CNTNAP2: variants seen among roughly 807,000 people sequenced by gnomAD.
CNTNAP2 encodes contactin-associated protein-like 2.
Under a neutral mutation model 155.2 loss-of-function variants are expected in CNTNAP2, and 98 were observed. That is an observed-to-expected ratio of 0.63 (90% CI 0.54 to 0.75). The LOEUF (loss-of-function observed/expected upper bound fraction) is 0.75. Ranked by LOEUF, CNTNAP2 falls within the 30% of genes least tolerant of loss-of-function variation. The pLI is 0.00. For missense variants in CNTNAP2, 1,727 were observed against 1,688.1 expected (o/e 1.02, Z -0.40); for synonymous variants, 651 against 631.2 (o/e 1.03, Z -0.47).
At chr7:146,700,830 T>C (rs1800864283) in intron 1 of CNTNAP2, among the ~76,000 whole-genome samples, 1 of 152,114 alleles carries the variant, frequency 6.6e-6, no homozygotes. Flanking sequence ...GGGAGTTTCC[T>C]GTAACACAAT....
chr7:147,609,206 C>A (rs1801133390), intron 12 of CNTNAP2, among the ~76,000 whole-genome samples: 1 of 152,132 alleles, frequency 6.6e-6, no homozygotes. Flanking sequence ...AACAAACAAA[C>A]TTCTCTGACA....
intron 22 of CNTNAP2, among the ~76,000 whole-genome samples, chr7:148,408,447 T>TCTC (rs1438364146): frequency 6.6e-6 from 1 of 152,180 alleles, no homozygotes; most frequent in African/African-American, 2.4e-5. Flanking sequence ...CAGGAATAAA[T>TCTC]TAGTGTTAGA....
At chr7:146,686,512 T>A (rs969682113) in intron 1 of CNTNAP2, among the ~76,000 whole-genome samples, 3 of 152,172 alleles carry the variant, frequency 2.0e-5, no homozygotes, top group African/African-American at 4.8e-5. Flanking sequence ...TACAGACTTA[T>A]GTACTCCTCT....
At position 148,180,046 on chromosome 7, in the gene CNTNAP2, A is replaced by G. The variant is rs369241389; in HGVS notation, c.3010+7568A>G. On this transcript the variant is annotated intron_variant, in intron 18 of 23. Transcript: ENST00000361727. ...GAAAATTAATTAATACAAAATATAT[A>G]AACAAATAGGGAGAAAAAGAAGAGA... 2.8e-3 allele frequency among the ~76,000 whole-genome samples: 434 copies of G among 152,302 alleles called. 3 individuals are homozygous for G. The highest frequency in any genetic ancestry group is 9.9e-3 in the African/African-American group (413 of 41,568).
chr7:148,266,029 G>A (rs547724172), intron 20 of CNTNAP2, among the ~76,000 whole-genome samples: 7 of 152,248 alleles, frequency 4.6e-5, no homozygotes, highest in African/African-American at 1.4e-4. Flanking sequence ...ACTCTGGATC[G>A]TATCTGCTTC....
intron 13 of CNTNAP2, among the ~76,000 whole-genome samples, chr7:147,738,600 G>T (rs1448985223): frequency 6.6e-6 from 1 of 151,056 alleles, no homozygotes; most frequent in East Asian, 1.9e-4. Flanking sequence ...ACATTTTCTT[G>T]GTCATAATGC....
intron 9 of CNTNAP2, among the ~76,000 whole-genome samples, chr7:147,322,817 TC>T (rs1795378303): frequency 7.2e-6 from 1 of 138,140 alleles, no homozygotes; most frequent in East Asian, 2.2e-4. Flanking sequence ...GGTGTATGTG[TC>T]CAGGAATGTA....
At chr7:147,992,112 T>TTA (rs1801720610) in intron 15 of CNTNAP2, among the ~76,000 whole-genome samples, 1 of 144,474 alleles carries the variant, frequency 6.9e-6, no homozygotes. Flanking sequence ...TTTTTTTTTT[T>TTA]GAGACAGAGT....
At chr7:146,301,886 T>C (rs1352603359) in intron 1 of CNTNAP2, among the ~76,000 whole-genome samples, 2 of 152,124 alleles carry the variant, frequency 1.3e-5, no homozygotes, top group East Asian at 1.9e-4. Context: ...TGTCAACTAA[T>C]GAAAGAGGAA....
intron 13 of CNTNAP2, among the ~76,000 whole-genome samples, chr7:147,742,286 T>C (rs999474397): frequency 2.2e-4 from 33 of 152,358 alleles, no homozygotes; most frequent in Middle Eastern, 6.8e-3. Flanking sequence ...CAGCTCATGA[T>C]AGATGTTTGA....
chr7:148,228,457 A>G (rs1795898224), intron 19 of CNTNAP2, among the ~76,000 whole-genome samples: 1 of 152,170 alleles, frequency 6.6e-6, no homozygotes, highest in African/African-American at 2.4e-5. Context: ...GTTGATTTGC[A>G]TTTGATTAGT....
At chr7:146,197,902 T>C (rs1584798006) in intron 1 of CNTNAP2, among the ~76,000 whole-genome samples, 1 of 152,162 alleles carries the variant, frequency 6.6e-6, no homozygotes, top group Non-Finnish European at 1.5e-5. Context: ...CTCACAGTTC[T>C]GCATGGCTGG....
At chr7:146,980,800 T>A (rs920792175) in intron 3 of CNTNAP2, among the ~76,000 whole-genome samples, 1 of 152,170 alleles carries the variant, frequency 6.6e-6, no homozygotes, top group African/African-American at 2.4e-5. Flanking sequence ...CAACACGGAA[T>A]TACATTTCCA....
intron 3 of CNTNAP2, among the ~76,000 whole-genome samples, chr7:146,932,091 G>A (rs1253858107): frequency 2.0e-5 from 3 of 151,718 alleles, no homozygotes; most frequent in Non-Finnish European, 2.9e-5. Context: ...ATTTTATGAG[G>A]CCAGCATCAT....
intron 2 of CNTNAP2, among the ~76,000 whole-genome samples, chr7:146,806,521 C>T (rs985826715): frequency 2.6e-5 from 4 of 151,508 alleles, no homozygotes; most frequent in Non-Finnish European, 4.4e-5. Context: ...GAAAGAAAAT[C>T]GGGTACCATC....
At chr7:147,855,425 C>T (rs1476275863) in intron 13 of CNTNAP2, among the ~76,000 whole-genome samples, 2 of 151,984 alleles carry the variant, frequency 1.3e-5, no homozygotes, top group East Asian at 3.9e-4. Flanking sequence ...TACCTGGATG[C>T]TTCTTCTCCT....
chr7:146,710,577 G>A (rs1417149159), intron 1 of CNTNAP2, among the ~76,000 whole-genome samples: 3 of 152,146 alleles, frequency 2.0e-5, no homozygotes, highest in African/African-American at 7.2e-5. Context: ...TGAAGGGATA[G>A]GCAGTAGATG....
chr7:147,509,960 C>T (rs765279462), intron 11 of CNTNAP2, among the ~76,000 whole-genome samples: 10 of 151,890 alleles, frequency 6.6e-5, no homozygotes, highest in Admixed American at 2.0e-4. Context: ...TCCTCTAAAT[C>T]GGTGATTCTT....
intron 10 of CNTNAP2, among the ~76,000 whole-genome samples, chr7:147,457,509 A>T (rs963521382): frequency 7.2e-5 from 11 of 151,918 alleles, no homozygotes; most frequent in African/African-American, 2.7e-4. Flanking sequence ...CTGTATATTT[A>T]GTTCATAATT....
Sources: gnomAD v4.1 joint callset for allele counts (sites outside exome capture counted in the v4.1 genomes callset) on GRCh38, gnomAD v4.1.1 for gene constraint, MANE v1.5 for transcripts, NCBI Gene and HGNC (gene_info 2026-07-23, HGNC 2026-07-21) for gene names.